Variants in RSRC1 observed in about 807,000 individuals in gnomAD.
The protein encoded by RSRC1 is serine/Arginine-related protein 53.
Under a neutral mutation model 49.1 loss-of-function variants are expected in RSRC1, and 39 were observed. That is an observed-to-expected ratio of 0.79 (90% CI 0.61 to 1.04). The LOEUF (loss-of-function observed/expected upper bound fraction) is 1.04, where lower values mean the gene tolerates loss of function less well. RSRC1 is among the 50% of genes least tolerant of loss of function. RSRC1 has a pLI of 0.00. For missense variants in RSRC1, 388 were observed against 402.4 expected (o/e 0.96, Z 0.31); for synonymous variants, 143 against 130.8 (o/e 1.09, Z -0.63).
At chr3:158,409,858 A>G (rs981100037) in intron 6 of RSRC1, among the ~76,000 whole-genome samples, 1 of 152,142 alleles carries the variant, frequency 6.6e-6, no homozygotes, top group Admixed American at 6.6e-5. Context: ...ATCGGATCCT[A>G]TTAATCTCCT....
intron 4 of RSRC1, among the ~76,000 whole-genome samples, chr3:158,256,388 C>G (rs1724561720): frequency 2.0e-5 from 3 of 152,112 alleles, no homozygotes; most frequent in South Asian, 4.1e-4. Flanking sequence ...GTTGAACTAG[C>G]CTTGCATCCC....
rs552822832 is a variant in RSRC1, at chr3:158,116,811, T to C, written c.-2-5292T>C. The stretch of plus-strand genomic sequence containing the variant: ...AAATCGCTGGTACTAGAATGTAAGC[T>C]TCTATAGGGAAAGGATTTTTTTTTT... On this transcript the variant is annotated intron_variant, in intron 1 of 9. Transcript: ENST00000611884. Among the ~76,000 whole-genome samples, 5 of 152,308 alleles carry C rather than the reference T, an allele frequency of 3.3e-5. No individual in the cohort carries two copies. The South Asian group carries it at 6.2e-4, about 19-fold the overall frequency.
At chr3:158,294,893 G>A (rs1014954717) in intron 4 of RSRC1, among the ~76,000 whole-genome samples, 8 of 152,076 alleles carry the variant, frequency 5.3e-5, no homozygotes, top group African/African-American at 1.9e-4. Flanking sequence ...ACCTGAGCTG[G>A]TTGCTACTGA....
chr3:158,316,158 C>T lies in RSRC1; in HGVS notation c.531+18083C>T, dbSNP rs577133520. 2.6e-3 allele frequency among the ~76,000 whole-genome samples: 381 copies of T among 148,172 alleles called. 4 individuals carry two copies. The highest frequency in any genetic ancestry group is 9.1e-3 in the African/African-American group (363 of 40,026). ...CAGCACGCCAGCCTGGACAACAGAG[C>T]GAGACTCGGTCTCAAAAAAAAAAAA... On this transcript the variant is annotated intron_variant, in intron 5 of 9. Coordinates refer to ENST00000611884, the MANE Select transcript of RSRC1 (RefSeq NM_001271838.2).
chr3:158,322,233 G>A (rs887517294), intron 5 of RSRC1, among the ~76,000 whole-genome samples: 4 of 152,138 alleles, frequency 2.6e-5, no homozygotes, highest in African/African-American at 9.7e-5. Flanking sequence ...GTTGCTTGAA[G>A]GATATTCATC....
chr3:158,275,770 A>G (rs2108065062), intron 4 of RSRC1: 1 of 475,848 alleles, frequency 2.1e-6, no homozygotes, highest in Admixed American at 3.7e-5. Flanking sequence ...ACTGCCCTAA[A>G]TAGTTTATTA....
At chr3:158,207,762 T>G (rs827146) in intron 4 of RSRC1, among the ~76,000 whole-genome samples, 98,432 of 151,772 alleles carry the variant, frequency 0.65, 32,211 homozygotes, top group East Asian at 0.84. Context: ...AAGGTAAAGG[T>G]TGTTTATAAA....
intron 5 of RSRC1, among the ~76,000 whole-genome samples, chr3:158,334,785 G>A (rs1202187015): frequency 6.6e-6 from 1 of 151,874 alleles, no homozygotes; most frequent in Non-Finnish European, 1.5e-5. Flanking sequence ...CCCACAAAGT[G>A]CTGGGATTAC....
intron 3 of RSRC1, among the ~76,000 whole-genome samples, chr3:158,196,213 C>A (rs1273492522): frequency 6.6e-6 from 1 of 151,934 alleles, no homozygotes; most frequent in East Asian, 1.9e-4. Flanking sequence ...AGAGGTCCTT[C>A]ACATCCCTTG....
chr3:158,352,356 G>A (rs1161669838), intron 5 of RSRC1, among the ~76,000 whole-genome samples: 3 of 152,120 alleles, frequency 2.0e-5, no homozygotes, highest in African/African-American at 7.2e-5. Context: ...GAGAGGAAGA[G>A]ATCTTCTATA....
At chr3:158,446,885 T>A (rs1736750888) in intron 6 of RSRC1, among the ~76,000 whole-genome samples, 1 of 151,988 alleles carries the variant, frequency 6.6e-6, no homozygotes, top group Non-Finnish European at 1.5e-5. Context: ...GTGCCTAGTT[T>A]TTACAGATCT....
chr3:158,362,260 G>T (rs1046245794), intron 6 of RSRC1, among the ~76,000 whole-genome samples: 1 of 152,158 alleles, frequency 6.6e-6, no homozygotes, highest in Non-Finnish European at 1.5e-5. Flanking sequence ...CATTGCTTGT[G>T]CCCGAGTGAA....
intron 7 of RSRC1, among the ~76,000 whole-genome samples, chr3:158,461,917 G>A (rs1202901683): frequency 2.0e-5 from 3 of 150,734 alleles, no homozygotes; most frequent in African/African-American, 7.3e-5. Flanking sequence ...GCAACTACAT[G>A]GAAGCTGAGA....
At chr3:158,177,097 A>G (rs1377143566) in intron 3 of RSRC1, among the ~76,000 whole-genome samples, 3 of 152,214 alleles carry the variant, frequency 2.0e-5, no homozygotes, top group Non-Finnish European at 4.4e-5. Context: ...ATGAGATGCC[A>G]TCTCACACCA....
chr3:158,194,472 G>A lies in RSRC1; in HGVS notation c.321-8600G>A, dbSNP rs537216378. 6.1e-5 allele frequency among the ~76,000 whole-genome samples: 9 copies of A among 148,206 alleles called. No individual in the cohort carries two copies. In the East Asian group the frequency reaches 1.8e-3, roughly 30 times the overall value. ...ATTCTTCTTTTGTGCTGGACGAGGA[G>A]CTTCAGCACTTTGAGATTCTTTTTT... On this transcript the variant is annotated intron_variant, in intron 3 of 9. Coordinates refer to ENST00000611884, the MANE Select transcript of RSRC1 (RefSeq NM_001271838.2).
At chr3:158,165,360 G>A (rs928293501) in intron 3 of RSRC1, among the ~76,000 whole-genome samples, 2 of 152,144 alleles carry the variant, frequency 1.3e-5, no homozygotes, top group East Asian at 1.9e-4. Flanking sequence ...ATATGAGATC[G>A]TTAATAAGCA....
Position 158,321,974 on chromosome 3 carries a change from T to TACACACACACACACACAC in RSRC1, c.531+23915_531+23932dup, listed in dbSNP as rs71144456. On this transcript the variant is annotated intron_variant, in intron 5 of 9. Coordinates refer to ENST00000611884, the MANE Select transcript of RSRC1 (RefSeq NM_001271838.2). Reference sequence around the variant, plus strand: ...ATTAAGAGAAGAAACTTTTAACACCTACACACACACACACACACACACACA... The same window carrying TACACACACACACACACAC: ...ATTAAGAGAAGAAACTTTTAACACCTACACACACACACACACACACACACACACACACACACACACACA... Among the ~76,000 whole-genome samples the TACACACACACACACACAC allele has an allele frequency of 1.6e-3, 233 of 148,502 alleles. 2 individuals carry two copies. The highest frequency in any genetic ancestry group is 5.4e-3 in the African/African-American group (217 of 40,518).
intron 7 of RSRC1, among the ~76,000 whole-genome samples, chr3:158,518,112 G>GCATATATATA (rs1560073619): frequency 1.3e-5 from 1 of 77,740 alleles, no homozygotes; most frequent in African/African-American, 7.8e-5. Context: ...GTGTGTGTGT[G>GCATATATATA]TGTGTGTGTG....
chr3:158,132,554 G>A (rs1168640620), intron 3 of RSRC1, among the ~76,000 whole-genome samples: 1 of 151,924 alleles, frequency 6.6e-6, no homozygotes, highest in Non-Finnish European at 1.5e-5. Flanking sequence ...TGAGTTTTTT[G>A]AACTTAAAAA....
Sources: gnomAD v4.1 joint callset for allele counts (sites outside exome capture counted in the v4.1 genomes callset) on GRCh38, gnomAD v4.1.1 for gene constraint, MANE v1.5 for transcripts, NCBI Gene and HGNC (gene_info 2026-07-23, HGNC 2026-07-21) for gene names.